The following ALDH1A2 variants were observed in gnomAD, a reference collection of about 807,000 sequenced individuals.
ALDH1A2 encodes aldehyde dehydrogenase 1 family member A2, also known as retinal dehydrogenase 2.
A neutral mutation model predicts 60.3 loss-of-function variants in ALDH1A2; 27 were observed. The observed-to-expected ratio is 0.45, with a 90% CI of 0.33 to 0.62. The LOEUF is 0.62. Among genes scored for constraint, ALDH1A2 ranks in the 20% least tolerant of loss-of-function variants. ALDH1A2 has a pLI of 0.02. For synonymous variants in ALDH1A2, 289 were observed against 232.4 expected (o/e 1.24, Z -2.21); for missense variants, 581 against 643.8 (o/e 0.90, Z 1.06).
At position 57,998,761 on chromosome 15, in the gene ALDH1A2, G is replaced by C. The variant is rs529519551; in HGVS notation, c.494-3622C>G. Among the ~76,000 whole-genome samples the C allele has an allele frequency of 4.7e-4, 71 of 152,082 alleles. 1 individual carries two copies. Among genetic ancestry groups the C allele is most frequent in the African/African-American group, 1.6e-3 (67 of 41,488 alleles). On this transcript the variant is annotated intron_variant, in intron 4 of 12. Transcript: ENST00000249750. Reference sequence around the variant, plus strand: ...TAGCCAAGACAATCCTAAGCAAAAAGAACAAAGCTGGAGGCATCATGCTAC... The same window carrying C: ...TAGCCAAGACAATCCTAAGCAAAAACAACAAAGCTGGAGGCATCATGCTAC...
intron 7 of ALDH1A2, among the ~76,000 whole-genome samples, chr15:57,989,010 TA>T (rs35117817): frequency 0.46 from 70,455 of 151,694 alleles, 16,806 homozygotes; most frequent in Non-Finnish European, 0.53. Flanking sequence ...CTACTTAAGA[TA>T]AAAAAAATTA....
At chr15:58,010,278 G>A (rs983984677) in intron 4 of ALDH1A2, among the ~76,000 whole-genome samples, 6 of 151,864 alleles carry the variant, frequency 4.0e-5, no homozygotes, top group Non-Finnish European at 8.8e-5. Flanking sequence ...TATGTTTCAG[G>A]AGGGCAAGGA....
intron 9 of ALDH1A2, 86 bp downstream of exon 9, chr15:57,963,799 C>G: frequency 7.1e-7 from 1 of 1,414,858 alleles, no homozygotes; most frequent in Non-Finnish European, 9.9e-7. Flanking sequence ...AGGAAGATGT[C>G]GCTTTGCTGG....
intron 4 of ALDH1A2, among the ~76,000 whole-genome samples, chr15:57,997,319 T>C (rs183920994): frequency 2.5e-4 from 38 of 152,148 alleles, no homozygotes; most frequent in Admixed American, 1.4e-3. Context: ...AGGTTTTTCA[T>C]GAGGAGCAAC....
chr15:58,032,230 T>C (rs1896258870), intron 1 of ALDH1A2, among the ~76,000 whole-genome samples: 1 of 151,994 alleles, frequency 6.6e-6, no homozygotes. Context: ...CTGGAAACCA[T>C]CATTCTCAGC....
At chr15:58,044,002 T>C (rs970720460) in intron 1 of ALDH1A2, among the ~76,000 whole-genome samples, 4 of 151,916 alleles carry the variant, frequency 2.6e-5, no homozygotes, top group Admixed American at 6.6e-5. Flanking sequence ...TACCCCGGAT[T>C]TGTGGCAGAA....
chr15:57,983,224 T>G (rs1266662151), intron 7 of ALDH1A2, among the ~76,000 whole-genome samples: 1 of 152,228 alleles, frequency 6.6e-6, no homozygotes, highest in Non-Finnish European at 1.5e-5. Context: ...TATCGAGCTT[T>G]TACAAAGTGC....
rs533217160 is a variant in ALDH1A2, at chr15:57,980,972, G to A, written c.798+11733C>T. 5.9e-5 allele frequency among the ~76,000 whole-genome samples: 9 copies of A among 152,228 alleles called. 1 individual carries two copies. The highest frequency in any genetic ancestry group is 2.2e-4 in the African/African-American group (9 of 41,528). On this transcript the variant is annotated intron_variant, in intron 7 of 12. Transcript: ENST00000249750. ...TATTGCCTCAATTTCAGAGCCTATT[G>A]TTGGTCTGTTCAGGGATTCAACTTC... is the stretch of plus-strand genomic sequence containing the variant.
chr15:57,974,166 G>T (rs1894162541), intron 7 of ALDH1A2, among the ~76,000 whole-genome samples: 1 of 152,136 alleles, frequency 6.6e-6, no homozygotes, highest in South Asian at 2.1e-4. Flanking sequence ...ATAGGGCCGG[G>T]CGCAGTGGCT....
chr15:58,050,476 T>G (rs1198313418), intron 1 of ALDH1A2, among the ~76,000 whole-genome samples: 3 of 152,168 alleles, frequency 2.0e-5, no homozygotes, highest in African/African-American at 7.2e-5. Context: ...AACTAATTCA[T>G]TATTTACTTA....
intron 7 of ALDH1A2, among the ~76,000 whole-genome samples, chr15:57,975,147 C>G (rs1408666613): frequency 6.6e-6 from 1 of 152,206 alleles, no homozygotes; most frequent in African/African-American, 2.4e-5. Flanking sequence ...ATTTGGAAAA[C>G]AGTTTGGCAG....
intron 1 of ALDH1A2, among the ~76,000 whole-genome samples, chr15:58,053,350 T>C (rs925050999): frequency 1.3e-5 from 2 of 152,134 alleles, no homozygotes; most frequent in East Asian, 3.9e-4. Context: ...ACTGAAATTA[T>C]AAAGTGTTCC....
chr15:58,016,728 AATT>A (rs1395790444), intron 1 of ALDH1A2, among the ~76,000 whole-genome samples: 29 of 152,192 alleles, frequency 1.9e-4, no homozygotes, highest in African/African-American at 7.0e-4. Flanking sequence ...ATCACTCATC[AATT>A]ATTTCTAATT....
chr15:57,958,249 A>T (rs990995867), intron 12 of ALDH1A2, among the ~76,000 whole-genome samples: 5 of 142,212 alleles, frequency 3.5e-5, no homozygotes, highest in Admixed American at 3.5e-4. Flanking sequence ...GCTCTGATTT[A>T]GAGTATCTAA....
intron 4 of ALDH1A2, among the ~76,000 whole-genome samples, chr15:57,995,409 T>C (rs1895023757): frequency 6.6e-6 from 1 of 151,926 alleles, no homozygotes. Flanking sequence ...CAAGAAGTCC[T>C]CAGGGTGGCA....
At chr15:58,015,135 C>T (rs553139825) in intron 1 of ALDH1A2, among the ~76,000 whole-genome samples, 89 of 152,244 alleles carry the variant, frequency 5.8e-4, no homozygotes, top group Admixed American at 2.2e-3. Context: ...AGAGGACATA[C>T]GAAGATGTTT....
Position 58,058,239 on chromosome 15 carries a change from T to G in ALDH1A2, c.117+7295A>C. On this transcript the variant is annotated intron_variant, in intron 1 of 12. Coordinates refer to ENST00000249750, the MANE Select transcript of ALDH1A2 (RefSeq NM_003888.4). ...TGCCACTATCACACACATCTCAGTCTGGAAATCTGGTATATGAGTGTTAGG... is the reference window on the plus strand; with the variant it reads ...TGCCACTATCACACACATCTCAGTCGGGAAATCTGGTATATGAGTGTTAGG... The G allele has an allele frequency of 5.2e-6, 3 of 575,858 alleles. No individual in the cohort carries two copies. The South Asian group carries it at 6.7e-5, about 13-fold the overall frequency. 35.7% of individuals were successfully genotyped at this position (575,858 alleles called of 1,614,324 possible).
chr15:58,040,504 A>G lies in ALDH1A2; in HGVS notation c.117+25030T>C, dbSNP rs559971910. Among the ~76,000 whole-genome samples the G allele has an allele frequency of 3.9e-5, 6 of 152,050 alleles. No homozygotes were observed. In the East Asian group the frequency reaches 7.8e-4, roughly 20 times the overall value. On this transcript the variant is annotated intron_variant, in intron 1 of 12. Coordinates refer to ENST00000249750, the MANE Select transcript of ALDH1A2 (RefSeq NM_003888.4). ...ACTTTCACCATTTCATTTCATCTAG[A>G]TAACAAATCTACGATGTAGGCATTA...
At chr15:58,045,288 TGTTG>T (rs2140561681) in intron 1 of ALDH1A2, among the ~76,000 whole-genome samples, 1 of 152,058 alleles carries the variant, frequency 6.6e-6, no homozygotes, top group East Asian at 1.9e-4. Context: ...ACTTTTACAC[TGTTG>T]GTTGGAGTGT....
Sources: gnomAD v4.1 joint callset for allele counts (sites outside exome capture counted in the v4.1 genomes callset) on GRCh38, gnomAD v4.1.1 for gene constraint, MANE v1.5 for transcripts, NCBI Gene and HGNC (gene_info 2026-07-23, HGNC 2026-07-21) for gene names.